PRICKLE2: variants seen among roughly 807,000 people sequenced by gnomAD.
The protein encoded by PRICKLE2 is prickle-like protein 2.
Under a neutral mutation model 81.4 loss-of-function variants are expected in PRICKLE2, and 21 were observed. That is an observed-to-expected ratio of 0.26 (90% CI 0.18 to 0.37). The LOEUF is 0.37. Among genes scored for constraint, PRICKLE2 ranks in the 10% least tolerant of loss-of-function variants. The pLI is 1.00. For synonymous variants in PRICKLE2, 456 were observed against 421.5 expected, an observed-to-expected ratio of 1.08 and a Z score of -1.00; for missense variants, 940 against 1,109.0, an observed-to-expected ratio of 0.85 and a Z score of 2.16.
At chr3:64,227,547 G>C (rs145642215), upstream of PRICKLE2, among the ~76,000 whole-genome samples, 4 of 152,312 alleles carry the variant, frequency 2.6e-5, no homozygotes, top group African/African-American at 9.6e-5. Context: ...ACCTGGAACA[G>C]ATGTGACACA....
intron 7 of PRICKLE2, among the ~76,000 whole-genome samples, chr3:64,117,426 T>C (rs1336371449): frequency 6.6e-6 from 1 of 152,168 alleles, no homozygotes; most frequent in African/African-American, 2.4e-5. Context: ...TGTTTGCAGA[T>C]GACATGATCC....
At chr3:64,168,876 T>G (rs1204561111) in intron 2 of PRICKLE2, among the ~76,000 whole-genome samples, 1 of 152,098 alleles carries the variant, frequency 6.6e-6, no homozygotes, top group Non-Finnish European at 1.5e-5. Flanking sequence ...AGCTCCCAAA[T>G]AAAGCCAAAA....
At chr3:64,109,852 G>C (rs1180476701) in intron 7 of PRICKLE2, among the ~76,000 whole-genome samples, 1 of 152,234 alleles carries the variant, frequency 6.6e-6, no homozygotes, top group African/African-American at 2.4e-5. Context: ...AATGGGACTA[G>C]AATCACTTCT....
chr3:64,146,755 A>AATCTC (rs1553643081), intron 7 of PRICKLE2, 75 bp downstream of exon 7: 1 of 1,569,680 alleles, frequency 6.4e-7, no homozygotes, highest in East Asian at 2.2e-5. Context: ...AAAAAAAAAA[A>AATCTC]ATTCCTGGGG....
At chr3:64,224,374 C>T (rs867415950) in intron 1 of PRICKLE2, among the ~76,000 whole-genome samples, 9 of 152,110 alleles carry the variant, frequency 5.9e-5, no homozygotes, top group Non-Finnish European at 7.4e-5. Context: ...GAGGGCAAAC[C>T]GAATCATGTG....
In PRICKLE2 at chr3:64,099,026, C is replaced by T; in HGVS notation, c.*25G>A. 6.2e-7 allele frequency: 1 copy of T among 1,613,764 alleles called. No individual in the cohort carries two copies. Among genetic ancestry groups the T allele is most frequent in the Non-Finnish European group, 8.5e-7 (1 of 1,179,654 alleles). On this transcript the variant is annotated 3_prime_UTR_variant, in exon 8 of 8. Transcript: ENST00000638394. This position sits in a 1 kb window ranked among gnomAD's most constrained non-coding sequence, Gnocchi z 4.3. ...ACTTTACATTCTTAGCTCCCATCTTCTCCCATTCCCTGATCCCAATCATAT... is the reference window on the plus strand; with the variant it reads ...ACTTTACATTCTTAGCTCCCATCTTTTCCCATTCCCTGATCCCAATCATAT...
intron 2 of PRICKLE2, among the ~76,000 whole-genome samples, chr3:64,264,727 A>G (rs1459261235): frequency 6.6e-6 from 1 of 152,226 alleles, no homozygotes; most frequent in Non-Finnish European, 1.5e-5. Flanking sequence ...ACCTTTTGCA[A>G]ATGTTCCCAA....
At chr3:64,263,120 C>T (rs1360085751) in intron 2 of PRICKLE2, among the ~76,000 whole-genome samples, 4 of 152,134 alleles carry the variant, frequency 2.6e-5, no homozygotes, top group South Asian at 2.1e-4. Context: ...GCACACATGG[C>T]GCCTTTTTTT....
Position 64,147,225 on chromosome 3 carries a change from C to T in PRICKLE2, c.1265G>A (p.Cys422Tyr). 2 of 1,609,772 alleles carry T rather than the reference C, an allele frequency of 1.2e-6. No homozygotes were observed. The highest frequency in any genetic ancestry group is 1.1e-5 in the South Asian group (1 of 90,556). The change falls in exon 7 of 8, where the codon TGC (cysteine) becomes TAC (tyrosine). Residue 422 changes from cysteine (C) to tyrosine (Y), a missense_variant. Transcript: ENST00000638394. The surrounding 1 kb of genome is among the most constrained non-coding windows in gnomAD (Gnocchi z 5.0). ...TGGACTGTAGGAAGTTCTGATGTTGCACTGGCTGAGGAGCTGCAGAGGGCT... is the reference window on the plus strand; with the variant it reads ...TGGACTGTAGGAAGTTCTGATGTTGTACTGGCTGAGGAGCTGCAGAGGGCT... The part of the protein sequence containing the change: ...TQSPLQLLSQ[C>Y]NIRTSYSPGG...
intron 2 of PRICKLE2, among the ~76,000 whole-genome samples, chr3:64,192,156 C>A (rs1424246821): frequency 2.0e-5 from 3 of 152,136 alleles, no homozygotes; most frequent in Non-Finnish European, 4.4e-5. Flanking sequence ...GAAAATAATG[C>A]CAAAGGCTTT....
At chr3:64,139,614 A>G (rs917246327) in intron 7 of PRICKLE2, among the ~76,000 whole-genome samples, 1 of 152,188 alleles carries the variant, frequency 6.6e-6, no homozygotes, top group Non-Finnish European at 1.5e-5. Context: ...AAATTGGATC[A>G]TGTCACCTCC....
At chr3:64,146,781 C>T in intron 7 of PRICKLE2, 49 bp downstream of exon 7, 1 of 1,608,892 alleles carries the variant, frequency 6.2e-7, no homozygotes, top group African/African-American at 1.3e-5. Context: ...CATCCAGTCA[C>T]CCAGAGACTA....
At chr3:64,113,361 C>T (rs571002093) in intron 7 of PRICKLE2, among the ~76,000 whole-genome samples, 1 of 152,268 alleles carries the variant, frequency 6.6e-6, no homozygotes, top group East Asian at 1.9e-4. Context: ...GACCTGTGCA[C>T]CCCTTAGTCT....
At chr3:64,100,406 T>C (rs2076640279) in intron 7 of PRICKLE2, 1 of 161,110 alleles carries the variant, frequency 6.2e-6, no homozygotes, top group East Asian at 1.8e-4. Context: ...ATTGGGCCAG[T>C]TCACTTCTCT....
At chr3:64,107,097 C>T (rs578127346) in intron 7 of PRICKLE2, among the ~76,000 whole-genome samples, 8 of 152,136 alleles carry the variant, frequency 5.3e-5, no homozygotes, top group Non-Finnish European at 8.8e-5. Flanking sequence ...CTGGGAGCTA[C>T]GCAAATGTCC....
At chr3:64,149,128 G>T (rs1035102553) in intron 6 of PRICKLE2, among the ~76,000 whole-genome samples, 1 of 152,170 alleles carries the variant, frequency 6.6e-6, no homozygotes, top group Non-Finnish European at 1.5e-5. Context: ...GCCACACTGC[G>T]TACTAAGGGA....
At chr3:64,196,856 C>G (rs1321187082) in intron 2 of PRICKLE2, among the ~76,000 whole-genome samples, 89 of 152,246 alleles carry the variant, frequency 5.8e-4, no homozygotes, top group Non-Finnish European at 3.1e-4. Context: ...TCACTCAACT[C>G]CAACCAATTA....
intron 2 of PRICKLE2, among the ~76,000 whole-genome samples, chr3:64,267,080 T>C (rs1385291027): frequency 6.6e-6 from 1 of 152,180 alleles, no homozygotes; most frequent in Non-Finnish European, 1.5e-5. Flanking sequence ...CAATCTTTCC[T>C]GATTATTTTG....
intron 7 of PRICKLE2, among the ~76,000 whole-genome samples, chr3:64,128,105 G>A (rs2077138693): frequency 6.6e-6 from 1 of 152,086 alleles, no homozygotes; most frequent in Non-Finnish European, 1.5e-5. Context: ...CAGGCTTAAG[G>A]AGAGGAGGTA....
Sources: allele counts gnomAD v4.1 joint callset (sites outside exome capture counted in the v4.1 genomes callset), GRCh38; gene constraint gnomAD v4.1.1; non-coding constraint Gnocchi (gnomAD v3.1); transcripts MANE v1.5; gene names NCBI Gene and HGNC (gene_info 2026-07-23, HGNC 2026-07-21).